The following JAZF1 variants were observed in gnomAD, a reference collection of about 807,000 sequenced individuals.
JAZF1 encodes JAZF zinc finger 1.
In JAZF1, 8 loss-of-function variants were observed where a neutral mutation model predicts 26.4. That is an observed-to-expected ratio of 0.30 (90% CI 0.18 to 0.55). JAZF1 has a LOEUF of 0.55. Among genes scored for constraint, JAZF1 ranks in the 20% least tolerant of loss-of-function variants. The probability of loss-of-function intolerance (pLI) is 0.94; values close to 1 mark genes in which losing one functional copy is unlikely to be tolerated. For missense variants in JAZF1, 199 were observed against 322.0 expected, an observed-to-expected ratio of 0.62 and a Z score of 2.92; for synonymous variants, 126 against 122.3, an observed-to-expected ratio of 1.03 and a Z score of -0.20.
intron 3 of JAZF1, among the ~76,000 whole-genome samples, chr7:27,848,446 A>T (rs1783072980): frequency 6.6e-6 from 1 of 152,182 alleles, no homozygotes; most frequent in Admixed American, 6.5e-5. Context: ...AAAAACAAAA[A>T]TCAGTTGGAT....
intron 1 of JAZF1, among the ~76,000 whole-genome samples, chr7:28,057,714 T>C (rs865867230): frequency 4.0e-4 from 61 of 152,338 alleles, no homozygotes; most frequent in African/African-American, 1.3e-3. Flanking sequence ...AATTTTCCCA[T>C]TGTGTCTAAG....
At chr7:27,954,610 T>C (rs1785057146) in intron 2 of JAZF1, among the ~76,000 whole-genome samples, 1 of 152,306 alleles carries the variant, frequency 6.6e-6, no homozygotes, top group South Asian at 2.1e-4. Flanking sequence ...GGGTATCAAC[T>C]GGTAATGTGT....
rs116923356 is a variant in JAZF1 at position 28,003,130 on chromosome 7, C to T, written c.116-11149G>A. On this transcript the variant is annotated intron_variant, in intron 1 of 4. Coordinates refer to ENST00000283928, the MANE Select transcript of JAZF1 (RefSeq NM_175061.4). ...GTCAAACCAAAACTTGACTGAAATA[C>T]AAAACAACCGGAATTCTGGTTTATT... Among the ~76,000 whole-genome samples, 5 of 152,014 alleles carry T rather than the reference C, an allele frequency of 3.3e-5. No individual in the cohort carries two copies. The East Asian group carries it at 9.7e-4, about 29-fold the overall frequency.
At chr7:28,012,085 A>G (rs536165204) in intron 1 of JAZF1, among the ~76,000 whole-genome samples, 66 of 152,352 alleles carry the variant, frequency 4.3e-4, no homozygotes, top group African/African-American at 1.5e-3. Context: ...CACCATCCAC[A>G]TCTTAACAGT....
At chr7:27,921,335 C>CTTTTTT (rs111359758) in intron 2 of JAZF1, among the ~76,000 whole-genome samples, 1 of 139,728 alleles carries the variant, frequency 7.2e-6, no homozygotes, top group Non-Finnish European at 1.6e-5. Flanking sequence ...CAGCAAGTAT[C>CTTTTTT]TTTTTTTTTT....
At chr7:28,144,464 G>A (rs1323872776) in intron 1 of JAZF1, among the ~76,000 whole-genome samples, 1 of 152,188 alleles carries the variant, frequency 6.6e-6, no homozygotes, top group Non-Finnish European at 1.5e-5. Flanking sequence ...GACATTTGCA[G>A]GAAACAATGG....
intron 2 of JAZF1, among the ~76,000 whole-genome samples, chr7:27,972,227 C>A (rs941877773): frequency 1.3e-5 from 2 of 152,166 alleles, no homozygotes; most frequent in Non-Finnish European, 2.9e-5. Flanking sequence ...GAGGGATGAA[C>A]AGGATACTGT....
intron 2 of JAZF1, among the ~76,000 whole-genome samples, chr7:27,989,996 G>T (rs1785864400): frequency 6.6e-6 from 1 of 152,166 alleles, no homozygotes; most frequent in African/African-American, 2.4e-5. Flanking sequence ...TATGTTTATT[G>T]TGGCACTATT....
intron 3 of JAZF1, among the ~76,000 whole-genome samples, chr7:27,877,997 C>T (rs1218462430): frequency 6.6e-6 from 1 of 152,198 alleles, no homozygotes; most frequent in Non-Finnish European, 1.5e-5. Context: ...TTCTTCCTCT[C>T]TGTGGTTATG....
chr7:27,843,004 C>G (rs1317861746), intron 3 of JAZF1: 1 of 152,266 alleles, frequency 6.6e-6, no homozygotes, highest in East Asian at 1.9e-4. Flanking sequence ...GTTGAAGCAG[C>G]CTACACTGTC....
Position 27,832,625 on chromosome 7 carries a change from C to A in JAZF1, c.*175G>T. On this transcript the variant is annotated 3_prime_UTR_variant, in exon 5 of 5. Transcript: ENST00000283928. ...TATGATGATTACATGTGCAAATGTA[C>A]AAAATCATTAACTCTACAAAGATAC... 1 of 474,582 alleles carries A rather than the reference C, an allele frequency of 2.1e-6. No homozygotes were observed. The highest frequency in any genetic ancestry group is 3.6e-6 in the Non-Finnish European group (1 of 277,348). 29.4% of individuals were successfully genotyped at this position (474,582 alleles called of 1,614,324 possible). A position where few individuals can be genotyped will look rare whatever the true frequency, so the allele number is the denominator to read the frequency against.
At chr7:27,933,206 A>G (rs1373902083) in intron 2 of JAZF1, among the ~76,000 whole-genome samples, 4 of 152,256 alleles carry the variant, frequency 2.6e-5, no homozygotes, top group Non-Finnish European at 4.4e-5. Context: ...TAAAGACAAC[A>G]TTCAATCTAT....
intron 3 of JAZF1, among the ~76,000 whole-genome samples, chr7:27,875,537 GCCTCACACT>G (rs1783664176): frequency 6.6e-6 from 1 of 152,122 alleles, no homozygotes; most frequent in Non-Finnish European, 1.5e-5. Context: ...GACCTAGCTA[GCCTCACACT>G]CCTGTTTTTT....
chr7:27,850,685 A>G (rs1461553997), intron 3 of JAZF1, among the ~76,000 whole-genome samples: 3 of 152,198 alleles, frequency 2.0e-5, no homozygotes, highest in Non-Finnish European at 2.9e-5. Context: ...TTAAAAAATT[A>G]CGTTATTTCA....
At chr7:28,130,146 T>C (rs1232006276) in intron 1 of JAZF1, among the ~76,000 whole-genome samples, 1 of 152,216 alleles carries the variant, frequency 6.6e-6, no homozygotes, top group Non-Finnish European at 1.5e-5. Flanking sequence ...ACTAGCTCAT[T>C]AGCTCATTTT....
chr7:27,832,544 T>C lies in JAZF1; in HGVS notation c.*256A>G. The C allele has an allele frequency of 3.4e-6, 1 of 291,868 alleles. No individual in the cohort carries two copies. Among genetic ancestry groups the C allele is most frequent in the Non-Finnish European group, 6.4e-6 (1 of 156,478 alleles). The allele number at this position is 291,868 out of a possible 1,614,324, so 18.1% of individuals were successfully genotyped here. A position where few individuals can be genotyped will look rare whatever the true frequency, so the allele number is the denominator to read the frequency against. Reference sequence around the variant, plus strand: ...TTATTTTGTTTTGGGGGAAATGTGCTGAAGAACCTAGAGCTTTTTTTGTTT... The same window carrying C: ...TTATTTTGTTTTGGGGGAAATGTGCCGAAGAACCTAGAGCTTTTTTTGTTT... On this transcript the variant is annotated 3_prime_UTR_variant, in exon 5 of 5. Coordinates refer to ENST00000283928, the MANE Select transcript of JAZF1 (RefSeq NM_175061.4).
intron 1 of JAZF1, among the ~76,000 whole-genome samples, chr7:28,009,570 G>A (rs917054489): frequency 6.6e-6 from 1 of 150,504 alleles, no homozygotes; most frequent in Non-Finnish European, 1.5e-5. Context: ...TGCAACCTCC[G>A]CCTCCCAGGT....
At chr7:28,080,419 T>A (rs1784116119) in intron 1 of JAZF1, among the ~76,000 whole-genome samples, 1 of 152,252 alleles carries the variant, frequency 6.6e-6, no homozygotes. Context: ...GGAGTAACAC[T>A]TTTAATTTCC....
intron 1 of JAZF1, among the ~76,000 whole-genome samples, chr7:28,136,942 G>T (rs947340199): frequency 6.6e-6 from 1 of 152,222 alleles, no homozygotes; most frequent in Admixed American, 6.5e-5. Context: ...GCTCGCAGGA[G>T]ATGAGGCTGC....
Sources: gnomAD v4.1 joint callset for allele counts (sites outside exome capture counted in the v4.1 genomes callset) on GRCh38, gnomAD v4.1.1 for gene constraint, MANE v1.5 for transcripts, NCBI Gene and HGNC (gene_info 2026-07-23, HGNC 2026-07-21) for gene names.